Variants in CFAP299 observed in about 807,000 individuals in gnomAD.
CFAP299 encodes cilia and flagella associated protein 299.
Under a neutral mutation model 27.0 loss-of-function variants are expected in CFAP299, and 21 were observed. The ratio of observed to expected loss-of-function variants is 0.78; its 90% CI spans 0.55 to 1.12. The LOEUF is 1.12. Ranked by LOEUF, CFAP299 falls within the 50% of genes most tolerant of loss-of-function variation. The pLI is 0.00. For synonymous variants in CFAP299, 104 were observed against 98.1 expected, an observed-to-expected ratio of 1.06 and a Z score of -0.36; for missense variants, 310 against 276.6, an observed-to-expected ratio of 1.12 and a Z score of -0.86.
chr4:80,800,892 C>G (rs1728550748), intron 3 of CFAP299, among the ~76,000 whole-genome samples: 1 of 149,476 alleles, frequency 6.7e-6, no homozygotes, highest in Non-Finnish European at 1.5e-5. Flanking sequence ...CAGTCTGAGT[C>G]CCAAAACTGA....
At chr4:80,530,558 C>A (rs1733414336) in intron 2 of CFAP299, among the ~76,000 whole-genome samples, 1 of 151,940 alleles carries the variant, frequency 6.6e-6, no homozygotes, top group South Asian at 2.1e-4. Context: ...AGACAATGGT[C>A]CAAGCAGAAA....
At chr4:80,355,109 A>G (rs1340691637) in intron 1 of CFAP299, among the ~76,000 whole-genome samples, 1 of 152,136 alleles carries the variant, frequency 6.6e-6, no homozygotes, top group Non-Finnish European at 1.5e-5. Flanking sequence ...ACTATCTTCT[A>G]CAACGATTGA....
chr4:80,717,977 A>T (rs1367701369), intron 3 of CFAP299, among the ~76,000 whole-genome samples: 1 of 152,036 alleles, frequency 6.6e-6, no homozygotes, highest in Non-Finnish European at 1.5e-5. Context: ...GGTATCTATT[A>T]TTTTTCTCTC....
intron 4 of CFAP299, among the ~76,000 whole-genome samples, chr4:80,941,260 C>G (rs1737181706): frequency 6.6e-6 from 1 of 152,058 alleles, no homozygotes; most frequent in African/African-American, 2.4e-5. Flanking sequence ...TATTTCATAT[C>G]TGTGGAATAC....
At chr4:80,342,249 G>C (rs919061357) in intron 1 of CFAP299, among the ~76,000 whole-genome samples, 1 of 152,140 alleles carries the variant, frequency 6.6e-6, no homozygotes, top group African/African-American at 2.4e-5. Context: ...CATACTTCAG[G>C]ATATCATCCA....
chr4:80,385,278 C>G (rs529345030), intron 2 of CFAP299, among the ~76,000 whole-genome samples: 221 of 152,262 alleles, frequency 1.5e-3, no homozygotes, highest in Non-Finnish European at 2.5e-3. Context: ...ATTTTCATCT[C>G]CATTTCCAAT....
chr4:80,429,060 T>C (rs1422535041), intron 2 of CFAP299, among the ~76,000 whole-genome samples: 1 of 152,242 alleles, frequency 6.6e-6, no homozygotes, highest in Non-Finnish European at 1.5e-5. Context: ...GAGTTCAAAG[T>C]TGAAATTACA....
intron 2 of CFAP299, among the ~76,000 whole-genome samples, chr4:80,423,872 G>C (rs1727412161): frequency 6.6e-6 from 1 of 152,302 alleles, no homozygotes; most frequent in South Asian, 2.1e-4. Context: ...CCTATGAGCT[G>C]TCTGTGTTCC....
At chr4:80,806,111 A>T (rs1198160736) in intron 3 of CFAP299, among the ~76,000 whole-genome samples, 1 of 152,200 alleles carries the variant, frequency 6.6e-6, no homozygotes, top group Non-Finnish European at 1.5e-5. Context: ...ATGTATTCTT[A>T]AAAATAAGGT....
At chr4:80,620,073 T>C (rs1738495780) in intron 3 of CFAP299, among the ~76,000 whole-genome samples, 2 of 152,162 alleles carry the variant, frequency 1.3e-5, no homozygotes, top group African/African-American at 4.8e-5. Flanking sequence ...CATTATTTTG[T>C]CTTTGTTCTT....
chr4:80,352,167 T>C (rs889118076), intron 1 of CFAP299, among the ~76,000 whole-genome samples: 2 of 152,102 alleles, frequency 1.3e-5, no homozygotes, highest in African/African-American at 4.8e-5. Context: ...TGATAAGAAT[T>C]GAAAGAGTAG....
At chr4:80,523,225 A>G (rs1380234447) in intron 2 of CFAP299, among the ~76,000 whole-genome samples, 1 of 151,992 alleles carries the variant, frequency 6.6e-6, no homozygotes, top group Non-Finnish European at 1.5e-5. Flanking sequence ...ATTCCCAAGT[A>G]TTTTATTATT....
intron 3 of CFAP299, among the ~76,000 whole-genome samples, chr4:80,703,081 A>G (rs1185246485): frequency 2.6e-5 from 4 of 151,744 alleles, no homozygotes; most frequent in Admixed American, 2.0e-4. Context: ...CTTAACATAT[A>G]CATAGCATAT....
rs564457258 is a variant in CFAP299, at chr4:80,847,865, T to C, written c.334-22128T>C. ...TTTGCTTAATTATCTCAATCCCAAATCCCTGTCAGCTATACACCTACTGTG... is the reference window on the plus strand; with the variant it reads ...TTTGCTTAATTATCTCAATCCCAAACCCCTGTCAGCTATACACCTACTGTG... On this transcript the variant is annotated intron_variant, in intron 3 of 5. Coordinates refer to ENST00000358105, the MANE Select transcript of CFAP299 (RefSeq NM_152770.3). Among the ~76,000 whole-genome samples the C allele has an allele frequency of 1.6e-3, 248 of 152,198 alleles. 1 individual carries two copies. Among genetic ancestry groups the C allele is most frequent in the South Asian group, 4.4e-3 (21 of 4,816 alleles).
intron 2 of CFAP299, among the ~76,000 whole-genome samples, chr4:80,507,927 C>G (rs532771830): frequency 6.6e-6 from 1 of 152,286 alleles, no homozygotes; most frequent in Non-Finnish European, 1.5e-5. Flanking sequence ...ATACTATACA[C>G]TGTAATTAGT....
intron 3 of CFAP299, among the ~76,000 whole-genome samples, chr4:80,801,289 C>T (rs1728580710): frequency 6.6e-6 from 1 of 151,690 alleles, no homozygotes; most frequent in Non-Finnish European, 1.5e-5. Context: ...TTTCTACCTG[C>T]AAGGGGTTAT....
intron 2 of CFAP299, among the ~76,000 whole-genome samples, chr4:80,572,507 G>GTCTTTTTTTTTTTTTTTTTTTTT (rs1735632495): frequency 2.7e-5 from 1 of 36,380 alleles, no homozygotes; most frequent in Non-Finnish European, 5.2e-5. Context: ...CTGGATCCCA[G>GTCTTTTTTTTTTTTTTTTTTTTT]TTTTTTTTTT....
At chr4:80,873,772 A>T (rs1184544831) in intron 4 of CFAP299, among the ~76,000 whole-genome samples, 1 of 152,202 alleles carries the variant, frequency 6.6e-6, no homozygotes, top group Non-Finnish European at 1.5e-5. Context: ...ATACATTTCC[A>T]TGTTTATGCA....
At chr4:80,876,163 T>G (rs1733364490) in intron 4 of CFAP299, among the ~76,000 whole-genome samples, 1 of 148,608 alleles carries the variant, frequency 6.7e-6, no homozygotes, top group Admixed American at 6.7e-5. Context: ...TTATAAATAT[T>G]ATATTATATA....
Sources: gnomAD v4.1 joint callset for allele counts (sites outside exome capture counted in the v4.1 genomes callset) on GRCh38, gnomAD v4.1.1 for gene constraint, MANE v1.5 for transcripts, NCBI Gene and HGNC (gene_info 2026-07-23, HGNC 2026-07-21) for gene names.